The following BMP1 variants were observed in gnomAD, a reference collection of about 807,000 sequenced individuals.
BMP1 encodes the protein bone morphogenetic protein 1.
A neutral mutation model predicts 116.8 loss-of-function variants in BMP1; 63 were observed. That is an observed-to-expected ratio of 0.54 (90% confidence interval 0.44 to 0.67). The LOEUF is 0.67. BMP1 is among the 30% of genes least tolerant of loss of function. The pLI is 0.00. For missense variants in BMP1, 1,183 were observed against 1,358.9 expected (o/e 0.87, Z 2.04); for synonymous variants, 536 against 533.4 (o/e 1.00, Z -0.07).
At chr8:22,201,391 G>T (rs11784926) in intron 15 of BMP1, 10 of 1,451,474 alleles carry the variant, frequency 6.9e-6, no homozygotes, top group Non-Finnish European at 8.1e-6. Context: ...ACCCTTCCCC[G>T]TGCCCTACCC....
chr8:22,178,751 C>T (rs76204050), intron 6 of BMP1, among the ~76,000 whole-genome samples: 1,641 of 152,222 alleles, frequency 0.011, 35 homozygotes, highest in African/African-American at 0.037. Context: ...CTCCCCTCCC[C>T]CAAGATTCTC....
chr8:22,168,549 A>G (rs1477733367), intron 1 of BMP1, among the ~76,000 whole-genome samples: 1 of 152,048 alleles, frequency 6.6e-6, no homozygotes, highest in African/African-American at 2.4e-5. Flanking sequence ...CCTCAACCTC[A>G]TCTGACAGCC....
chr8:22,180,066 G>A (rs1828569150), intron 7 of BMP1, among the ~76,000 whole-genome samples: 1 of 152,144 alleles, frequency 6.6e-6, no homozygotes, highest in Admixed American at 6.5e-5. Context: ...GGCGGAAGTG[G>A]GGAGAACAGC....
intron 15 of BMP1, among the ~76,000 whole-genome samples, chr8:22,200,267 C>T (rs1829220514): frequency 1.3e-5 from 2 of 152,180 alleles, no homozygotes; most frequent in South Asian, 4.1e-4. Context: ...GGGTCTGTGA[C>T]ACGTGGCCGT....
chr8:22,194,647 G>A lies in BMP1; in HGVS notation c.1443+57G>A, dbSNP rs1446307439. The A allele has an allele frequency of 6.2e-7, 1 of 1,601,616 alleles. No individual in the cohort carries two copies. ...AATCCAGCAGTTGCTCCCTGGGACA[G>A]CTGCCTCTCTTTGGGCTCCCAGGGG... On this transcript the variant is annotated intron_variant, in intron 11 of 19. Transcript: ENST00000306385. This position sits in a 1 kb window ranked among gnomAD's most constrained non-coding sequence, Gnocchi z 4.5.
intron 1 of BMP1, 76 bp downstream of exon 1, chr8:22,165,629 G>A: frequency 6.9e-7 from 1 of 1,447,716 alleles, no homozygotes; most frequent in Non-Finnish European, 9.1e-7. Context: ...GTTGGGGGAG[G>A]ACAGTCCAGT....
chr8:22,194,413 AC>A lies in BMP1; in HGVS notation c.1298-28del. 1 of 1,611,926 alleles carries A rather than the reference AC, an allele frequency of 6.2e-7. No homozygotes were observed. The highest frequency in any genetic ancestry group is 1.1e-5 in the South Asian group (1 of 90,814). On this transcript the variant is annotated intron_variant, in intron 10 of 19. Coordinates refer to ENST00000306385, the MANE Select transcript of BMP1 (RefSeq NM_006129.5). This position sits in a 1 kb window ranked among gnomAD's most constrained non-coding sequence, Gnocchi z 4.5. ...GCAGGGCAAAGCATGCTGACTCACC[AC>A]CCCTTCCCACCCCATCCTGTGTCCC...
At chr8:22,171,288 A>G (rs1025450432) in intron 1 of BMP1, 12 of 152,230 alleles carry the variant, frequency 7.9e-5, no homozygotes, top group African/African-American at 2.9e-4. Context: ...GCTGGAACCT[A>G]AACCTAGCCA....
Position 22,176,320 on chromosome 8 carries a change from G to T in BMP1, c.433+7G>T. 6.3e-7 allele frequency: 1 copy of T among 1,586,484 alleles called. No individual in the cohort carries two copies. Among genetic ancestry groups the T allele is most frequent in the Non-Finnish European group, 8.6e-7 (1 of 1,164,412 alleles). ...ATTGGGGGAAACTTCACTGGTGAGCGTGCTATTGTGGGTCCCAGAGTGTAA... is the reference window on the plus strand; with the variant it reads ...ATTGGGGGAAACTTCACTGGTGAGCTTGCTATTGTGGGTCCCAGAGTGTAA... On this transcript the variant is annotated splice_region_variant and intron_variant, in intron 3 of 19. Coordinates refer to ENST00000306385, the MANE Select transcript of BMP1 (RefSeq NM_006129.5).
chr8:22,180,587 T>C, intron 8 of BMP1, 104 bp downstream of exon 8: 1 of 1,036,170 alleles, frequency 9.7e-7, no homozygotes. Flanking sequence ...GCGACCTACC[T>C]GGCTACCGTA....
intron 15 of BMP1, chr8:22,201,474 T>C (rs1323609699): frequency 4.3e-6 from 6 of 1,400,204 alleles, no homozygotes; most frequent in Admixed American, 3.2e-5. Context: ...CCTGCTCCTT[T>C]CTCTTGCAGT....
In BMP1 at chr8:22,206,991, C is replaced by G; in HGVS notation, c.2361+10C>G. 1 of 1,613,864 alleles carries G rather than the reference C, an allele frequency of 6.2e-7. No individual in the cohort carries two copies. The highest frequency in any genetic ancestry group is 8.5e-7 in the Non-Finnish European group (1 of 1,179,884). On this transcript the variant is annotated intron_variant, in intron 17 of 19. Transcript: ENST00000306385. ...GCACCGGGTCAAGCTGGTAAGGGGT[C>G]CCCTCCCCACTCCTTATGCGGTGTG...
rs1829057785 is a variant in BMP1 at position 22,195,545 on chromosome 8, G to C, written c.1723G>C (p.Asp575His). 6.2e-7 allele frequency: 1 copy of C among 1,612,508 alleles called. No individual in the cohort carries two copies. Among genetic ancestry groups the C allele is most frequent in the Non-Finnish European group, 8.5e-7 (1 of 1,179,788 alleles). ...CCTGGGCAGCTACAAGTGCAGCTGT[G>C]ACCCCGGGTACGAGCTGGCCCCAGA... ...NTLGSYKCSC[D>H]PGYELAPDKR... The change falls in exon 13 of 20, where the codon GAC (aspartate) becomes CAC (histidine). Residue 575 changes from aspartate (D) to histidine (H), a missense_variant. This residue lies in a region of BMP1 where 956 missense variants were observed against 1,135.2 expected (regional missense o/e 0.84). Transcript: ENST00000306385.
intron 8 of BMP1, among the ~76,000 whole-genome samples, chr8:22,183,533 C>T (rs988981773): frequency 5.3e-5 from 8 of 151,866 alleles, no homozygotes; most frequent in South Asian, 4.2e-4. Context: ...TCTCACCCAC[C>T]GATAATAATA....
intron 8 of BMP1, among the ~76,000 whole-genome samples, chr8:22,187,087 T>A (rs918887180): frequency 1.3e-5 from 2 of 149,926 alleles, no homozygotes; most frequent in African/African-American, 4.9e-5. Flanking sequence ...GCATCTCGGG[T>A]TCAAGTGATT....
Position 22,179,612 on chromosome 8 carries a change from G to C in BMP1, c.837-93G>C. The C allele has an allele frequency of 3.1e-6, 5 of 1,596,874 alleles. No individual in the cohort carries two copies. The highest frequency in any genetic ancestry group is 4.3e-6 in the Non-Finnish European group (5 of 1,170,436). On this transcript the variant is annotated intron_variant, in intron 6 of 19. Transcript: ENST00000306385. The surrounding 1 kb of genome is among the most constrained non-coding windows in gnomAD (Gnocchi z 4.6). ...GCTGAGGAATGTCTGAGCTCCAGCA[G>C]GGTCGTGACTTGTGGGTACAGATGG...
At chr8:22,178,172 G>A (rs1045995880) in intron 6 of BMP1, among the ~76,000 whole-genome samples, 1 of 152,244 alleles carries the variant, frequency 6.6e-6, no homozygotes, top group Non-Finnish European at 1.5e-5. Flanking sequence ...ACCACCGTGT[G>A]CACCCAGGGC....
chr8:22,179,286 T>C lies in BMP1; in HGVS notation c.837-419T>C, dbSNP rs1828543080. On this transcript the variant is annotated intron_variant, in intron 6 of 19. Transcript: ENST00000306385. This position sits in a 1 kb window ranked among gnomAD's most constrained non-coding sequence, Gnocchi z 4.6. ...CAGGGTGAGGAGCTGGCCTGGGGAG[T>C]CCTGGGAGAAGTTTAGTTAGGGCTG... is the stretch of plus-strand genomic sequence containing the variant. Among the ~76,000 whole-genome samples, 1 of 151,582 alleles carries C rather than the reference T, an allele frequency of 6.6e-6. No individual in the cohort carries two copies. The highest frequency in any genetic ancestry group is 1.5e-5 in the Non-Finnish European group (1 of 67,924).
intron 12 of BMP1, 37 bp from the exon 13 acceptor site, chr8:22,195,425 G>A: frequency 1.9e-6 from 3 of 1,577,254 alleles, no homozygotes; most frequent in Non-Finnish European, 1.7e-6. Flanking sequence ...TCCCTTGAAT[G>A]CCTGGAGTCT....
Sources: gnomAD v4.1 joint callset for allele counts (sites outside exome capture counted in the v4.1 genomes callset) on GRCh38, gnomAD v4.1.1 for gene constraint, gnomAD v4.1.1 regional missense constraint, Gnocchi (gnomAD v3.1) non-coding constraint, MANE v1.5 for transcripts, NCBI Gene and HGNC (gene_info 2026-07-23, HGNC 2026-07-21) for gene names.